Variants in TPH2 observed in about 807,000 individuals in gnomAD.
TPH2 encodes the protein tryptophan hydroxylase 2, also known as tryptophan 5-hydroxylase 2.
TPH2 carries 27 observed loss-of-function variants against 59.1 expected under a neutral mutation model. The ratio of observed to expected loss-of-function variants is 0.46; its 90% CI spans 0.34 to 0.63. TPH2 has a LOEUF of 0.63. Among genes scored for constraint, TPH2 ranks in the 30% least tolerant of loss-of-function variants. The probability of loss-of-function intolerance (pLI) is 0.01; values close to 1 mark genes in which losing one functional copy is unlikely to be tolerated. For missense variants in TPH2, 523 were observed against 588.3 expected (o/e 0.89, Z 1.15); for synonymous variants, 220 against 210.5 (o/e 1.05, Z -0.39).
intron 4 of TPH2, among the ~76,000 whole-genome samples, chr12:71,946,734 C>A (rs184842255): frequency 6.6e-6 from 1 of 152,182 alleles, no homozygotes; most frequent in East Asian, 1.9e-4. Flanking sequence ...ACACAGGGAC[C>A]GTTGTGATAG....
At chr12:71,947,595 C>A (rs1008890666) in intron 4 of TPH2, among the ~76,000 whole-genome samples, 1 of 151,802 alleles carries the variant, frequency 6.6e-6, no homozygotes, top group Non-Finnish European at 1.5e-5. Context: ...ATCTGAAATT[C>A]AAATTTAACT....
intron 5 of TPH2, among the ~76,000 whole-genome samples, chr12:71,971,655 T>TC (rs1871976355): frequency 6.6e-6 from 1 of 152,186 alleles, no homozygotes; most frequent in Admixed American, 6.5e-5. Flanking sequence ...CAACTCAAGT[T>TC]GTGCCTCCTC....
At chr12:71,984,849 G>GCT (rs1872385866) in intron 7 of TPH2, among the ~76,000 whole-genome samples, 1 of 152,168 alleles carries the variant, frequency 6.6e-6, no homozygotes, top group African/African-American at 2.4e-5. Context: ...TGGTAGCCAT[G>GCT]CTCTCCCTTA....
intron 7 of TPH2, among the ~76,000 whole-genome samples, chr12:71,981,193 A>C (rs1156774969): frequency 6.6e-6 from 1 of 152,198 alleles, no homozygotes; most frequent in East Asian, 1.9e-4. Flanking sequence ...CAGCAAGTGC[A>C]AAGTTGTGGA....
chr12:71,972,157 T>C (rs540924761), intron 5 of TPH2, among the ~76,000 whole-genome samples: 15 of 152,350 alleles, frequency 9.8e-5, no homozygotes, highest in Admixed American at 2.0e-4. Context: ...CATTTATTAC[T>C]GTTGTTAGGT....
intron 9 of TPH2, among the ~76,000 whole-genome samples, chr12:72,027,779 G>A (rs769867000): frequency 3.9e-5 from 6 of 152,134 alleles, no homozygotes; most frequent in Admixed American, 6.6e-5. Flanking sequence ...AAATCCATCC[G>A]CAGGCCCAGT....
At chr12:72,007,740 C>T (rs1049929636) in intron 8 of TPH2, among the ~76,000 whole-genome samples, 1 of 151,680 alleles carries the variant, frequency 6.6e-6, no homozygotes, top group Non-Finnish European at 1.5e-5. Flanking sequence ...TTAGCTCTCA[C>T]AAAAACTTTT....
chr12:71,944,269 T>C (rs755118641), intron 2 of TPH2, 25 bp from the exon 3 acceptor site: 1 of 1,613,352 alleles, frequency 6.2e-7, no homozygotes, highest in Non-Finnish European at 8.5e-7. Context: ...CTGAAGGTGA[T>C]TTTCAGATGC....
rs190273790 is a variant in TPH2 at position 71,979,972 on chromosome 12, A to C, written c.941+885A>C. Among the ~76,000 whole-genome samples the C allele has an allele frequency of 4.0e-3, 609 of 152,314 alleles. 5 individuals carry two copies. The highest frequency in any genetic ancestry group is 0.014 in the African/African-American group (579 of 41,568). ...TTAGCATACAGACAGACAGACAGACAGACAGGGAATATGGTGTCAGGTGTA... is the reference window on the plus strand; with the variant it reads ...TTAGCATACAGACAGACAGACAGACCGACAGGGAATATGGTGTCAGGTGTA... On this transcript the variant is annotated intron_variant, in intron 7 of 10. Transcript: ENST00000333850.
At position 71,971,211 on chromosome 12, in the gene TPH2, C is replaced by T. The variant is rs775899771; in HGVS notation, c.609-1308C>T. On this transcript the variant is annotated intron_variant, in intron 5 of 10. Coordinates refer to ENST00000333850, the MANE Select transcript of TPH2 (RefSeq NM_173353.4). Reference sequence around the variant, plus strand: ...GACAGTTGCTGTCTATGCATGGGTTCCTGTAGTGACCACCTGCTACAGGCT... The same window carrying T: ...GACAGTTGCTGTCTATGCATGGGTTTCTGTAGTGACCACCTGCTACAGGCT... 1.1e-4 allele frequency among the ~76,000 whole-genome samples: 17 copies of T among 152,322 alleles called. No homozygotes were observed. The South Asian group carries it at 1.5e-3, about 13-fold the overall frequency.
chr12:72,009,390 A>G (rs766106804), intron 8 of TPH2, among the ~76,000 whole-genome samples: 25 of 152,350 alleles, frequency 1.6e-4, no homozygotes, highest in Non-Finnish European at 1.6e-4. Flanking sequence ...TTATTGTCTC[A>G]TGAATTTTCA....
rs1871071973 is a variant in TPH2 at position 71,941,656 on chromosome 12, G to A, written c.178G>A (p.Glu60Lys). ...KGSSKREAAT[E>K]SGKTAVVFSL... The stretch of plus-strand genomic sequence containing the variant: ...AAGCAGCAAACGTGAAGCTGCTACC[G>A]AAAGTGGCAAGACAGCAGTTGTTTT... Residue 60 changes from glutamate to lysine, a missense_variant, in exon 2 of 11, where the codon GAA becomes AAA. Transcript: ENST00000333850. 2.5e-6 allele frequency: 4 copies of A among 1,613,930 alleles called. No homozygotes were observed. The highest frequency in any genetic ancestry group is 1.3e-5 in the African/African-American group (1 of 74,912).
chr12:71,968,062 T>C (rs1183129226), intron 5 of TPH2, among the ~76,000 whole-genome samples: 1 of 152,194 alleles, frequency 6.6e-6, no homozygotes, highest in Non-Finnish European at 1.5e-5. Context: ...GGGAGGAGGC[T>C]GAGGCCCTTT....
chr12:71,950,028 A>G (rs1871302374), intron 5 of TPH2, among the ~76,000 whole-genome samples: 1 of 152,136 alleles, frequency 6.6e-6, no homozygotes, highest in Non-Finnish European at 1.5e-5. Context: ...AAAGTAGAGG[A>G]TTCAGCAAGA....
In TPH2 at chr12:72,012,098, C is replaced by T. The variant is rs532819325; in HGVS notation, c.1069-10301C>T. 9.2e-5 allele frequency among the ~76,000 whole-genome samples: 14 copies of T among 152,288 alleles called. No individual in the cohort carries two copies. The South Asian group carries it at 1.2e-3, about 14-fold the overall frequency. ...TTGCTTATCTATTTCCTCCCTCCTT[C>T]TCTTCCTTTCTTTCTACCTTAACTA... On this transcript the variant is annotated intron_variant, in intron 8 of 10. Transcript: ENST00000333850.
At chr12:71,972,102 G>C (rs1871988512) in intron 5 of TPH2, among the ~76,000 whole-genome samples, 1 of 152,034 alleles carries the variant, frequency 6.6e-6, no homozygotes, top group Admixed American at 6.6e-5. Flanking sequence ...TCTGGGCAAG[G>C]GACAAAAAGA....
intron 7 of TPH2, among the ~76,000 whole-genome samples, chr12:71,983,757 C>T (rs1281647181): frequency 6.7e-6 from 1 of 149,748 alleles, no homozygotes; most frequent in Admixed American, 6.7e-5. Context: ...GAGAGAGAGA[C>T]AGACAGACAG....
At chr12:72,018,699 G>T (rs958600056) in intron 8 of TPH2, among the ~76,000 whole-genome samples, 1 of 152,148 alleles carries the variant, frequency 6.6e-6, no homozygotes, top group African/African-American at 2.4e-5. Flanking sequence ...TTCGTGTCAG[G>T]TGTTGTAAGT....
intron 8 of TPH2, among the ~76,000 whole-genome samples, chr12:72,018,765 C>A (rs1210065887): frequency 1.3e-5 from 2 of 152,140 alleles, no homozygotes; most frequent in African/African-American, 4.8e-5. Flanking sequence ...CTGTGACATT[C>A]TAGTTTTCCT....
Sources: allele counts gnomAD v4.1 joint callset (sites outside exome capture counted in the v4.1 genomes callset), GRCh38; gene constraint gnomAD v4.1.1; transcripts MANE v1.5; gene names NCBI Gene and HGNC (gene_info 2026-07-23, HGNC 2026-07-21).